POPDC1: variants seen among roughly 807,000 people sequenced by gnomAD.
The protein encoded by POPDC1 is popeye domain cAMP effector 1.
At chr6:105,125,523 C>G in the POPDC1 span, 1 of 1,614,050 alleles carries the variant, frequency 6.2e-7, no homozygotes, top group Non-Finnish European at 8.5e-7. Context: ...TGGAGGCACA[C>G]GGAGTGGTTC....
chr6:105,131,349 G>A, the POPDC1 span, among the ~76,000 whole-genome samples: 1 of 152,126 alleles, frequency 6.6e-6, no homozygotes. Flanking sequence ...AAAAACTGGA[G>A]GACCTGAATT....
At chr6:105,106,890 A>C in the POPDC1 span, among the ~76,000 whole-genome samples, 1 of 152,194 alleles carries the variant, frequency 6.6e-6, no homozygotes, top group Non-Finnish European at 1.5e-5. Flanking sequence ...TGCAACGTGA[A>C]ATGATTATAT....
At chr6:105,135,317 G>A in the POPDC1 span, among the ~76,000 whole-genome samples, 1 of 152,166 alleles carries the variant, frequency 6.6e-6, no homozygotes, top group African/African-American at 2.4e-5. Flanking sequence ...AGCCAGAGGA[G>A]TGCCTAGCCT....
At chr6:105,129,376 T>C in the POPDC1 span, 1 of 1,601,776 alleles carries the variant, frequency 6.2e-7, no homozygotes, top group African/African-American at 1.3e-5. Context: ...TTTTAATAAT[T>C]ACCGGTCTCT....
chr6:105,129,275 A>T, the POPDC1 span: 1 of 1,030,356 alleles, frequency 9.7e-7, no homozygotes, highest in South Asian at 2.2e-5. Flanking sequence ...AAATTATATT[A>T]AAGTGACTAA....
At chr6:105,116,197 A>G in the POPDC1 span, among the ~76,000 whole-genome samples, 2 of 152,198 alleles carry the variant, frequency 1.3e-5, no homozygotes, top group Admixed American at 1.3e-4. Flanking sequence ...TCTTGTAATC[A>G]TTTTAATTTC....
chr6:105,104,780 A>G, the POPDC1 span, among the ~76,000 whole-genome samples: 1 of 152,192 alleles, frequency 6.6e-6, no homozygotes, highest in Non-Finnish European at 1.5e-5. Flanking sequence ...ACCTGCTACA[A>G]TGTTTTCATC....
At chr6:105,123,958 G>A in the POPDC1 span, among the ~76,000 whole-genome samples, 3 of 151,982 alleles carry the variant, frequency 2.0e-5, no homozygotes, top group Non-Finnish European at 4.4e-5. Flanking sequence ...TAAAGCATAA[G>A]ATGTTTTCTA....
chr6:105,100,956 C>G, the POPDC1 span: 1 of 1,077,416 alleles, frequency 9.3e-7, no homozygotes, highest in Non-Finnish European at 1.3e-6. Flanking sequence ...GACCCTTCCT[C>G]ACTTCCTCCC....
chr6:105,115,797 G>A, the POPDC1 span: 7 of 1,613,856 alleles, frequency 4.3e-6, no homozygotes, highest in Non-Finnish European at 5.9e-6. Context: ...TGTGTGCAGA[G>A]GCTGAGCTGA....
At chr6:105,100,560 ATATATATATGTATGTATGTATGTG>A in the POPDC1 span, 6 of 137,378 alleles carry the variant, frequency 4.4e-5, no homozygotes, top group African/African-American at 1.2e-4. Context: ...ATGTATATAT[ATATATATATGTATGTATGTATGTG>A]TGTGTGTGTG....
the POPDC1 span, among the ~76,000 whole-genome samples, chr6:105,111,615 A>T: frequency 6.6e-6 from 1 of 152,218 alleles, no homozygotes; most frequent in Non-Finnish European, 1.5e-5. Flanking sequence ...ACTACTGAAT[A>T]AACAGAGAGA....
the POPDC1 span, among the ~76,000 whole-genome samples, chr6:105,107,115 C>T: frequency 6.6e-6 from 1 of 152,118 alleles, no homozygotes; most frequent in Non-Finnish European, 1.5e-5. Flanking sequence ...CCCCCATTAC[C>T]CTTTCCAGCC....
At chr6:105,133,648 TC>T in the POPDC1 span, 1 of 1,207,378 alleles carries the variant, frequency 8.3e-7, no homozygotes, top group African/African-American at 1.5e-5. Flanking sequence ...CTTTTTACCT[TC>T]ATAGGTATTA....
At chr6:105,120,593 G>A in the POPDC1 span, among the ~76,000 whole-genome samples, 2 of 152,172 alleles carry the variant, frequency 1.3e-5, no homozygotes, top group African/African-American at 4.8e-5. Flanking sequence ...TACATAAAAG[G>A]ACATCTTTCA....
At chr6:105,116,575 T>C in the POPDC1 span, 6 of 723,258 alleles carry the variant, frequency 8.3e-6, no homozygotes, top group African/African-American at 3.7e-5. Context: ...CCTCTCAAGA[T>C]TACAAGTATC....
At chr6:105,098,186 T>A in the POPDC1 span, 2 of 152,226 alleles carry the variant, frequency 1.3e-5, no homozygotes, top group South Asian at 4.1e-4. Context: ...TTTATCTATG[T>A]ATTTATGCAT....
the POPDC1 span, among the ~76,000 whole-genome samples, chr6:105,123,577 T>C: frequency 6.6e-6 from 1 of 152,032 alleles, no homozygotes; most frequent in African/African-American, 2.4e-5. Flanking sequence ...ATTGTTTGTA[T>C]TTTTAGTAGA....
At chr6:105,124,694 A>G in the POPDC1 span, 1 of 1,358,356 alleles carries the variant, frequency 7.4e-7, no homozygotes, top group South Asian at 1.2e-5. Flanking sequence ...GCAATATTTC[A>G]CAAATACCAT....
Sources: gnomAD v4.1 joint callset for allele counts (sites outside exome capture counted in the v4.1 genomes callset) on GRCh38, gnomAD v4.1.1 for gene constraint, MANE v1.5 for transcripts, NCBI Gene and HGNC (gene_info 2026-07-23, HGNC 2026-07-21) for gene names.